The following CSRNP3 variants were observed in gnomAD, a reference collection of about 807,000 sequenced individuals.
CSRNP3 encodes cysteine/serine-rich nuclear protein 3.
In CSRNP3, 12 loss-of-function variants were observed where a neutral mutation model predicts 48.0. That is an observed-to-expected ratio of 0.25 (90% CI 0.16 to 0.41). CSRNP3 has a LOEUF of 0.41. CSRNP3 is among the 10% of genes least tolerant of loss of function. The pLI is 1.00. For missense variants in CSRNP3, 580 were observed against 724.4 expected (o/e 0.80, Z 2.29); for synonymous variants, 263 against 269.7 (o/e 0.98, Z 0.24).
At chr2:165,498,061 G>A (rs1684306114) in intron 2 of CSRNP3, among the ~76,000 whole-genome samples, 1 of 152,044 alleles carries the variant, frequency 6.6e-6, no homozygotes, top group African/African-American at 2.4e-5. Flanking sequence ...CAATTTGAGT[G>A]TGAAAGAACA....
intron 3 of CSRNP3, among the ~76,000 whole-genome samples, chr2:165,564,880 G>T (rs1294835119): frequency 6.6e-6 from 1 of 151,866 alleles, no homozygotes; most frequent in African/African-American, 2.4e-5. Context: ...TCTTCTTGTT[G>T]CTACCTGGTT....
At chr2:165,509,336 A>T (rs1037204047) in intron 2 of CSRNP3, among the ~76,000 whole-genome samples, 3 of 152,168 alleles carry the variant, frequency 2.0e-5, no homozygotes, top group Admixed American at 6.6e-5. Context: ...GTGGGGTAGG[A>T]GGAGGCTTCC....
intron 6 of CSRNP3, 96 bp downstream of exon 6, chr2:165,676,704 T>A: frequency 8.7e-7 from 1 of 1,142,968 alleles, no homozygotes; most frequent in Non-Finnish European, 1.2e-6. Context: ...TTCCCACATG[T>A]AAAAGAAAAT....
intron 3 of CSRNP3, among the ~76,000 whole-genome samples, chr2:165,546,392 C>T (rs913920540): frequency 5.3e-5 from 8 of 152,014 alleles, no homozygotes; most frequent in African/African-American, 1.9e-4. Context: ...GGGGTTTCAC[C>T]ATGTTGGCCA....
At chr2:165,546,560 C>T (rs1052674941) in intron 3 of CSRNP3, among the ~76,000 whole-genome samples, 8 of 152,092 alleles carry the variant, frequency 5.3e-5, no homozygotes, top group African/African-American at 1.9e-4. Flanking sequence ...GTATTTTCTC[C>T]GAGTCAGATT....
chr2:165,585,663 G>A (rs1162205447), intron 3 of CSRNP3, among the ~76,000 whole-genome samples: 1 of 152,120 alleles, frequency 6.6e-6, no homozygotes, highest in South Asian at 2.1e-4. Flanking sequence ...CTTGCTGGAA[G>A]AATTTACTGG....
intron 3 of CSRNP3, among the ~76,000 whole-genome samples, chr2:165,520,816 T>C (rs1460030956): frequency 5.6e-5 from 6 of 106,306 alleles, no homozygotes; most frequent in African/African-American, 7.6e-5. Context: ...TATATATATA[T>C]ATATATATAT....
At chr2:165,586,486 T>C (rs1304016043) in intron 3 of CSRNP3, among the ~76,000 whole-genome samples, 1 of 152,218 alleles carries the variant, frequency 6.6e-6, no homozygotes, top group Non-Finnish European at 1.5e-5. Flanking sequence ...AGTGTAAGTA[T>C]GTCCCAAATG....
intron 5 of CSRNP3, among the ~76,000 whole-genome samples, chr2:165,674,438 C>T (rs1343425858): frequency 3.3e-5 from 5 of 151,638 alleles, no homozygotes; most frequent in South Asian, 2.1e-4. Flanking sequence ...TTAACAAAAA[C>T]GACAAACACA....
At chr2:165,660,625 A>G (rs975189593) in intron 5 of CSRNP3, among the ~76,000 whole-genome samples, 1 of 152,186 alleles carries the variant, frequency 6.6e-6, no homozygotes, top group Non-Finnish European at 1.5e-5. Flanking sequence ...ACCTTCTCCC[A>G]TGTGCTATGT....
In CSRNP3 at chr2:165,505,928, A is replaced by G. The variant is rs148487396; in HGVS notation, c.-113+11000A>G. 2.0e-5 allele frequency among the ~76,000 whole-genome samples: 3 copies of G among 152,298 alleles called. No individual in the cohort carries two copies. The East Asian group carries it at 5.8e-4, about 29-fold the overall frequency. The stretch of plus-strand genomic sequence containing the variant: ...ATATTAGTCAAGACTTTTTATTGCA[A>G]GTGACGAAAGCCCTATACTATCTAT... On this transcript the variant is annotated intron_variant, in intron 2 of 6. Coordinates refer to ENST00000651982, the MANE Select transcript of CSRNP3 (RefSeq NM_001172173.2).
At chr2:165,513,568 C>T (rs890398944) in intron 2 of CSRNP3, among the ~76,000 whole-genome samples, 1 of 152,208 alleles carries the variant, frequency 6.6e-6, no homozygotes, top group Middle Eastern at 3.4e-3. Flanking sequence ...AGCTTATCAC[C>T]GAATCATCTA....
chr2:165,676,160 ATT>A, intron 5 of CSRNP3, 150 bp from the exon 6 acceptor site: 1 of 673,784 alleles, frequency 1.5e-6, no homozygotes, highest in Non-Finnish European at 2.6e-6. Flanking sequence ...TCTTTCTGTG[ATT>A]TCTCCTAAAG....
rs574294337 is a variant in CSRNP3, at chr2:165,655,060, T to G, written c.149-2701T>G. On this transcript the variant is annotated intron_variant, in intron 4 of 6. Transcript: ENST00000651982. The stretch of plus-strand genomic sequence containing the variant: ...TCATAGCAGCCTCTATATATTTGGC[T>G]TGAATGTTTCATGGGGGAAAAATGA... Among the ~76,000 whole-genome samples the G allele has an allele frequency of 4.6e-5, 7 of 152,322 alleles. No homozygotes were observed. The East Asian group carries it at 1.3e-3, about 29-fold the overall frequency.
intron 4 of CSRNP3, among the ~76,000 whole-genome samples, chr2:165,644,819 T>C (rs1558960357): frequency 6.6e-6 from 1 of 152,198 alleles, no homozygotes; most frequent in Non-Finnish European, 1.5e-5. Context: ...TGATTAGATA[T>C]TGACTTAGTC....
chr2:165,628,232 C>T (rs1175185051), intron 4 of CSRNP3, among the ~76,000 whole-genome samples: 2 of 152,184 alleles, frequency 1.3e-5, no homozygotes, highest in East Asian at 3.8e-4. Context: ...GATTCCCCAA[C>T]CCCTACTACA....
chr2:165,678,626 A>C, intron 6 of CSRNP3, 75 bp from the exon 7 acceptor site: 1 of 1,510,654 alleles, frequency 6.6e-7, no homozygotes, highest in Non-Finnish European at 8.9e-7. Context: ...AATTCAAAGA[A>C]GTTACTGAAA....
chr2:165,622,225 A>G (rs1229791529), intron 4 of CSRNP3, among the ~76,000 whole-genome samples: 2 of 152,126 alleles, frequency 1.3e-5, no homozygotes, highest in Non-Finnish European at 2.9e-5. Context: ...TCATAAATGT[A>G]TTGTTCATCA....
At chr2:165,614,482 A>T (rs12463643) in intron 4 of CSRNP3, among the ~76,000 whole-genome samples, 45,033 of 152,058 alleles carry the variant, frequency 0.3, 7,061 homozygotes, top group Admixed American at 0.41. Flanking sequence ...GAGTGGTGAA[A>T]GTGGGCATCC....
Sources: gnomAD v4.1 joint callset for allele counts (sites outside exome capture counted in the v4.1 genomes callset) on GRCh38, gnomAD v4.1.1 for gene constraint, MANE v1.5 for transcripts, NCBI Gene and HGNC (gene_info 2026-07-23, HGNC 2026-07-21) for gene names.